Variants in CTNND2 observed in about 807,000 individuals in gnomAD.
CTNND2 encodes catenin delta-2.
CTNND2 carries 22 observed loss-of-function variants against 144.4 expected under a neutral mutation model. That is an observed-to-expected ratio of 0.15 (90% CI 0.11 to 0.22). The LOEUF is 0.22. Ranked by LOEUF, CTNND2 falls within the 10% of genes least tolerant of loss-of-function variation. The pLI is 1.00. For synonymous variants in CTNND2, 751 were observed against 695.6 expected (o/e 1.08, Z -1.25); for missense variants, 1,353 against 1,618.8 (o/e 0.84, Z 2.82).
At chr5:11,235,270 A>C (rs1283990227) in intron 10 of CTNND2, among the ~76,000 whole-genome samples, 2 of 152,230 alleles carry the variant, frequency 1.3e-5, no homozygotes, top group East Asian at 3.8e-4. Flanking sequence ...GTCTTCAAAA[A>C]AGAGAAAAGT....
At chr5:11,673,963 G>T (rs375475452) in intron 2 of CTNND2, among the ~76,000 whole-genome samples, 2 of 152,064 alleles carry the variant, frequency 1.3e-5, no homozygotes, top group East Asian at 1.9e-4. Context: ...ACAAGTCCTG[G>T]GTATATTCAA....
At chr5:11,245,196 G>A (rs143282400) in intron 9 of CTNND2, among the ~76,000 whole-genome samples, 1 of 152,296 alleles carries the variant, frequency 6.6e-6, no homozygotes, top group African/African-American at 2.4e-5. Context: ...GGAATTTAGG[G>A]GGCAGGGATC....
intron 9 of CTNND2, among the ~76,000 whole-genome samples, chr5:11,310,383 C>T (rs1750671164): frequency 6.6e-6 from 1 of 151,972 alleles, no homozygotes; most frequent in Non-Finnish European, 1.5e-5. Flanking sequence ...ATCTTCCCCT[C>T]AAACTTAGTT....
intron 9 of CTNND2, among the ~76,000 whole-genome samples, chr5:11,237,169 A>G (rs2521741): frequency 0.012 from 1,881 of 151,788 alleles, 17 homozygotes; most frequent in Non-Finnish European, 0.02. Flanking sequence ...ACAGGCACCC[A>G]CCACCACGCC....
At chr5:11,204,176 A>C (rs558068278) in intron 10 of CTNND2, among the ~76,000 whole-genome samples, 1 of 152,350 alleles carries the variant, frequency 6.6e-6, no homozygotes, top group African/African-American at 2.4e-5. Context: ...AAGATGAATT[A>C]ACCAATCAAA....
At position 11,017,989 on chromosome 5, in the gene CTNND2, C is replaced by T. The variant is rs373428577; in HGVS notation, c.3069G>A (p.Arg1023=). 8.7e-6 allele frequency: 14 copies of T among 1,613,216 alleles called. No individual in the cohort carries two copies. The Middle Eastern group carries it at 8.2e-4, about 95-fold the overall frequency. Residue 1023 remains arginine (R), a synonymous_variant, in exon 18 of 22, where the codon AGG becomes AGA. Coordinates refer to ENST00000304623, the MANE Select transcript of CTNND2 (RefSeq NM_001332.4). The stretch of plus-strand genomic sequence containing the variant: ...CCAGCCTTACCTTTTTGTAGAGACT[C>T]CTCAGATCTCGGTACTGCCACATGC... The part of the protein sequence containing the change: ...LNSMWQYRDL[R]SLYKKDGWSQ...
intron 1 of CTNND2, among the ~76,000 whole-genome samples, chr5:11,765,034 GC>G (rs35099305): frequency 1.1e-4 from 16 of 144,030 alleles, no homozygotes; most frequent in East Asian, 2.1e-4. Flanking sequence ...CATTAATCCT[GC>G]CCCCCCCACC....
intron 2 of CTNND2, among the ~76,000 whole-genome samples, chr5:11,581,170 C>T (rs777194482): frequency 1.5e-4 from 23 of 152,034 alleles, no homozygotes; most frequent in Non-Finnish European, 7.4e-5. Flanking sequence ...GAACCCCTGT[C>T]AAACCAGACT....
intron 15 of CTNND2, chr5:11,083,850 T>C: frequency 1.0e-6 from 1 of 990,884 alleles, no homozygotes; most frequent in Non-Finnish European, 1.3e-6. Context: ...CCTTCCCCCA[T>C]GGGGGCAGGC....
chr5:11,529,234 C>CA (rs60000220), intron 3 of CTNND2, among the ~76,000 whole-genome samples: 3,718 of 152,054 alleles, frequency 0.024, 139 homozygotes, highest in African/African-American at 0.076. Flanking sequence ...ATTAGCTGTG[C>CA]AAAAAACTGG....
At chr5:11,337,794 T>G (rs1484976696) in intron 9 of CTNND2, among the ~76,000 whole-genome samples, 2 of 152,180 alleles carry the variant, frequency 1.3e-5, no homozygotes, top group African/African-American at 4.8e-5. Flanking sequence ...AAGTTCTGAC[T>G]TCTACTGATC....
chr5:11,734,959 A>G (rs1227918521), intron 1 of CTNND2, among the ~76,000 whole-genome samples: 2 of 152,208 alleles, frequency 1.3e-5, no homozygotes, highest in African/African-American at 4.8e-5. Context: ...AATCTGTTAC[A>G]AACAGAATAT....
chr5:11,899,567 G>A (rs1737692282), intron 1 of CTNND2, among the ~76,000 whole-genome samples: 1 of 152,082 alleles, frequency 6.6e-6, no homozygotes, highest in Non-Finnish European at 1.5e-5. Context: ...GGAAATTACA[G>A]CCATTTAATA....
At chr5:11,304,559 T>A (rs1438083664) in intron 9 of CTNND2, among the ~76,000 whole-genome samples, 2 of 152,212 alleles carry the variant, frequency 1.3e-5, no homozygotes, top group African/African-American at 4.8e-5. Context: ...ACTACAAATA[T>A]AAAATCAGGT....
intron 5 of CTNND2, among the ~76,000 whole-genome samples, chr5:11,408,028 G>C (rs1761228102): frequency 6.6e-6 from 1 of 152,026 alleles, no homozygotes; most frequent in Non-Finnish European, 1.5e-5. Flanking sequence ...AGGAAAAAGA[G>C]ATTATGACAT....
At chr5:11,581,753 A>G (rs1778452389) in intron 2 of CTNND2, among the ~76,000 whole-genome samples, 1 of 152,102 alleles carries the variant, frequency 6.6e-6, no homozygotes, top group Non-Finnish European at 1.5e-5. Flanking sequence ...TAAATTACCT[A>G]TTTCTCATAT....
At chr5:11,318,572 A>G (rs568582456) in intron 9 of CTNND2, among the ~76,000 whole-genome samples, 3 of 152,092 alleles carry the variant, frequency 2.0e-5, no homozygotes, top group Admixed American at 1.3e-4. Context: ...GAGAAAACAA[A>G]AAGTCACCCT....
At chr5:11,861,668 C>T (rs374446361) in intron 1 of CTNND2, among the ~76,000 whole-genome samples, 6 of 152,150 alleles carry the variant, frequency 3.9e-5, no homozygotes, top group Non-Finnish European at 8.8e-5. Context: ...AACATGAACT[C>T]GATCACGTCC....
At chr5:11,167,989 A>G (rs61751835) in intron 11 of CTNND2, among the ~76,000 whole-genome samples, 4,452 of 151,952 alleles carry the variant, frequency 0.029, 159 homozygotes, top group East Asian at 0.089. Context: ...TACAGGCAGG[A>G]GCCACTATGC....
Sources: allele counts gnomAD v4.1 joint callset (sites outside exome capture counted in the v4.1 genomes callset), GRCh38; gene constraint gnomAD v4.1.1; transcripts MANE v1.5; gene names NCBI Gene and HGNC (gene_info 2026-07-23, HGNC 2026-07-21).